Variants in SLC28A3 observed in about 807,000 individuals in gnomAD.
The protein encoded by SLC28A3 is concentrative Na(+)-nucleoside cotransporter 3.
A neutral mutation model predicts 84.2 loss-of-function variants in SLC28A3; 68 were observed. The observed-to-expected ratio is 0.81, with a 90% CI of 0.66 to 0.99. The LOEUF (loss-of-function observed/expected upper bound fraction) is 0.99, where lower values mean the gene tolerates loss of function less well. Ranked by LOEUF, SLC28A3 falls within the 50% of genes least tolerant of loss-of-function variation. The pLI, the probability that SLC28A3 is intolerant of heterozygous loss-of-function variation, is 0.00. For synonymous variants in SLC28A3, 267 were observed against 303.6 expected (o/e 0.88, Z 1.25); for missense variants, 712 against 841.5 (o/e 0.85, Z 1.90).
At chr9:84,358,854 G>A in the SLC28A3 span, among the ~76,000 whole-genome samples, 1 of 152,186 alleles carries the variant, frequency 6.6e-6, no homozygotes, top group African/African-American at 2.4e-5. Flanking sequence ...CCAGGTTGGA[G>A]TGCAGTGGTG....
Position 84,288,091 on chromosome 9 carries a change from T to G in SLC28A3, c.1237A>C (p.Lys413Gln). Reference sequence around the variant, plus strand: ...GCATTCTTGAGGGTTATTTTAGGTTTTTCTGTCTCAGGCCAAAAGAGTTTA... The same window carrying G: ...GCATTCTTGAGGGTTATTTTAGGTTGTTCTGTCTCAGGCCAAAAGAGTTTA... Reference protein sequence around the residue: ...AAKLFWPETEKPKITLKNAMK... With the variant: ...AAKLFWPETEQPKITLKNAMK... The change falls in exon 12 of 18, where the codon AAA becomes CAA. Residue 413 changes from lysine (K) to glutamine (Q), a missense_variant. Lys to Gln is a moderately conservative substitution (Grantham distance 53). Transcript: ENST00000376238. 6.2e-7 allele frequency: 1 copy of G among 1,614,094 alleles called. No individual in the cohort carries two copies. Among genetic ancestry groups the G allele is most frequent in the Non-Finnish European group, 8.5e-7 (1 of 1,179,966 alleles).
chr9:84,345,347 T>G (rs1269656565), upstream of SLC28A3, among the ~76,000 whole-genome samples: 1 of 152,184 alleles, frequency 6.6e-6, no homozygotes, highest in Non-Finnish European at 1.5e-5. Context: ...AACCAGTTGG[T>G]GCAACCTGAT....
At chr9:84,293,463 C>T (rs1049284440) in intron 9 of SLC28A3, among the ~76,000 whole-genome samples, 4 of 151,966 alleles carry the variant, frequency 2.6e-5, no homozygotes, top group African/African-American at 9.7e-5. Flanking sequence ...ATTCTGGTTC[C>T]CTCTCTCTCT....
chr9:84,290,042 A>G, intron 11 of SLC28A3, 112 bp downstream of exon 11: 1 of 1,414,758 alleles, frequency 7.1e-7, no homozygotes, highest in Non-Finnish European at 9.4e-7. Context: ...GCCATATGGC[A>G]AAAAAAGACA....
chr9:84,287,896 T>C, intron 12 of SLC28A3, 152 bp downstream of exon 12: 2 of 1,089,194 alleles, frequency 1.8e-6, no homozygotes, highest in Non-Finnish European at 2.6e-6. Flanking sequence ...AAAATAAGAC[T>C]TTTTTCTGTG....
intron 2 of SLC28A3, among the ~76,000 whole-genome samples, chr9:84,311,800 G>A (rs1825997860): frequency 6.6e-6 from 1 of 152,160 alleles, no homozygotes; most frequent in Non-Finnish European, 1.5e-5. Flanking sequence ...AGACTGCAGT[G>A]AGCTGAGATT....
Position 84,290,246 on chromosome 9 carries a change from G to A in SLC28A3, c.1057C>T (p.Pro353Ser). The change falls in exon 11 of 18, where the codon CCT becomes TCT. Residue 353 changes from proline to serine, a missense_variant. By Grantham distance (74) the Pro-to-Ser change is moderately conservative. Transcript: ENST00000376238. The stretch of plus-strand genomic sequence containing the variant: ...TGGAGTTCAGACTTGGTGATGTAAG[G>A]TAAATATGGTCGGACCAGCAGTGGA... ...ESPLLVRPYL[P>S]YITKSELHAI... The A allele has an allele frequency of 6.2e-7, 1 of 1,614,012 alleles. No homozygotes were observed. Among genetic ancestry groups the A allele is most frequent in the South Asian group, 1.1e-5 (1 of 91,082 alleles).
chr9:84,329,761 C>T (rs1826703973), intron 1 of SLC28A3, among the ~76,000 whole-genome samples: 3 of 151,964 alleles, frequency 2.0e-5, no homozygotes, highest in African/African-American at 7.2e-5. Context: ...AAGCTGAGCA[C>T]AGTGATGCAT....
chr9:84,341,847 G>A (rs1364759434), upstream of SLC28A3, among the ~76,000 whole-genome samples: 1 of 152,120 alleles, frequency 6.6e-6, no homozygotes, highest in Admixed American at 6.5e-5. Flanking sequence ...GAATGGAAAA[G>A]GCCTGGTGCG....
At chr9:84,322,889 T>C (rs1417767882) in intron 1 of SLC28A3, among the ~76,000 whole-genome samples, 2 of 152,038 alleles carry the variant, frequency 1.3e-5, no homozygotes, top group African/African-American at 4.8e-5. Context: ...AAGAAATACA[T>C]TTGACTAAAT....
At chr9:84,311,578 G>A (rs1425057666) in intron 2 of SLC28A3, among the ~76,000 whole-genome samples, 5 of 152,092 alleles carry the variant, frequency 3.3e-5, no homozygotes, top group Admixed American at 2.6e-4. Context: ...ATGGCCAGGC[G>A]TGGTCACTCA....
chr9:84,333,443 A>C (rs1353753012), intron 1 of SLC28A3, among the ~76,000 whole-genome samples: 1 of 152,214 alleles, frequency 6.6e-6, no homozygotes, highest in Non-Finnish European at 1.5e-5. Flanking sequence ...TTGGGGTCCC[A>C]AAATTTAATT....
intron 14 of SLC28A3, among the ~76,000 whole-genome samples, chr9:84,285,049 A>T (rs1450646478): frequency 6.6e-6 from 1 of 152,168 alleles, no homozygotes; most frequent in African/African-American, 2.4e-5. Context: ...TGGTTGATTG[A>T]TTGCAGTCCC....
upstream of SLC28A3, among the ~76,000 whole-genome samples, chr9:84,342,147 AAAG>A (rs1407750510): frequency 1.6e-4 from 23 of 148,156 alleles, no homozygotes; most frequent in African/African-American, 5.3e-4. Context: ...AAAAAAAAGA[AAAG>A]AAAAAGAAAA....
At chr9:84,288,208 T>A in intron 11 of SLC28A3, 30 bp from the exon 12 acceptor site, 1 of 1,613,060 alleles carries the variant, frequency 6.2e-7, no homozygotes, top group Non-Finnish European at 8.5e-7. Flanking sequence ...AAGGCAAACC[T>A]GGGATTAGCT....
chr9:84,350,892 T>C, the SLC28A3 span, among the ~76,000 whole-genome samples: 1 of 152,106 alleles, frequency 6.6e-6, no homozygotes, highest in African/African-American at 2.4e-5. Flanking sequence ...TTTGTATTTT[T>C]AGTAGAGGTG....
At chr9:84,368,072 C>T in the SLC28A3 span, among the ~76,000 whole-genome samples, 13 of 152,112 alleles carry the variant, frequency 8.5e-5, no homozygotes, top group African/African-American at 3.1e-4. Flanking sequence ...GAGGCCATAT[C>T]TCAGGCTGTC....
chr9:84,304,369 A>C (rs1219879474), intron 4 of SLC28A3, among the ~76,000 whole-genome samples: 1 of 152,170 alleles, frequency 6.6e-6, no homozygotes, highest in African/African-American at 2.4e-5. Context: ...GGTTTGGATC[A>C]GGGTGCTTAC....
chr9:84,280,148 T>C, intron 15 of SLC28A3, 75 bp from the exon 16 acceptor site: 2 of 1,433,658 alleles, frequency 1.4e-6, no homozygotes, highest in Non-Finnish European at 1.9e-6. Flanking sequence ...TGAAAATTGT[T>C]CTGAGGCTGG....
Sources: allele counts gnomAD v4.1 joint callset (sites outside exome capture counted in the v4.1 genomes callset), GRCh38; gene constraint gnomAD v4.1.1; transcripts MANE v1.5; gene names NCBI Gene and HGNC (gene_info 2026-07-23, HGNC 2026-07-21).